CSNK1D: variants seen among roughly 807,000 people sequenced by gnomAD.
CSNK1D encodes the protein casein kinase 1 delta.
In CSNK1D, 16 loss-of-function variants were observed where a neutral mutation model predicts 46.6. The observed-to-expected ratio is 0.34, with a 90% CI of 0.23 to 0.52. CSNK1D has a LOEUF of 0.52. CSNK1D is among the 20% of genes least tolerant of loss of function. The probability of loss-of-function intolerance (pLI) is 0.95; values close to 1 mark genes in which losing one functional copy is unlikely to be tolerated. For missense variants in CSNK1D, 398 were observed against 578.4 expected, an observed-to-expected ratio of 0.69 and a Z score of 3.20; for synonymous variants, 276 against 228.2, an observed-to-expected ratio of 1.21 and a Z score of -1.89.
At position 82,248,308 on chromosome 17, in the gene CSNK1D, A is replaced by G; in HGVS notation, c.1197+567T>C. The G allele has an allele frequency of 1.0e-6, 1 of 988,970 alleles. No homozygotes were observed. The highest frequency in any genetic ancestry group is 1.2e-6 in the Non-Finnish European group (1 of 831,954). The allele number at this position is 988,970 out of a possible 1,614,324, so 61.3% of individuals were successfully genotyped here. ...GAGGAGAGACCGCTGCAGGATGCTG[A>G]AGAGGCGGTGGCCGTGGCTAGGCCT... On this transcript the variant is annotated intron_variant, in intron 8 of 8. Coordinates refer to ENST00000314028, the MANE Select transcript of CSNK1D (RefSeq NM_001893.6). This position sits in a 1 kb window ranked among gnomAD's most constrained non-coding sequence, Gnocchi z 4.1.
Position 82,249,579 on chromosome 17 carries a change from G to A in CSNK1D, c.909C>T (p.Asp303=), listed in dbSNP as rs747576005. Residue 303 remains aspartate (D), a synonymous_variant, in exon 7 of 9, where the codon GAC becomes GAT. Transcript: ENST00000314028. The surrounding 1 kb of genome is among the most constrained non-coding windows in gnomAD (Gnocchi z 6.7). ...CTCGGTCCCTGCGCTCCCGCTCGGC[G>A]TCATCGGCGGCCCGGCTGGCACCCT... The part of the protein sequence containing the change: ...LKFGASRAAD[D]AERERRDREE... 4.6e-5 allele frequency: 71 copies of A among 1,559,050 alleles called. No individual in the cohort carries two copies. The highest frequency in any genetic ancestry group is 5.3e-5 in the Non-Finnish European group (61 of 1,156,124).
At chr17:82,263,484 T>C (rs983268316) in intron 2 of CSNK1D, among the ~76,000 whole-genome samples, 4 of 152,206 alleles carry the variant, frequency 2.6e-5, no homozygotes, top group African/African-American at 9.6e-5. Flanking sequence ...GAAGAAAGTT[T>C]TGAGTATCAC....
downstream of CSNK1D, chr17:82,239,991 T>C (rs970990342): frequency 2.2e-5 from 27 of 1,233,560 alleles, no homozygotes; most frequent in Middle Eastern, 2.1e-4. Context: ...AGGTGCGTCG[T>C]GGGCGCTGGG....
Position 82,243,265 on chromosome 17 carries a change from G to A in CSNK1D, c.*1516C>T. ...GGGGAACTCTGGGGAGGAGAAGGGA[G>A]AACCAAGGTGCACACCTTCGAAGCC... On this transcript the variant is annotated 3_prime_UTR_variant, in exon 9 of 9. Coordinates refer to ENST00000314028, the MANE Select transcript of CSNK1D (RefSeq NM_001893.6). 1.0e-6 allele frequency: 1 copy of A among 985,494 alleles called. No individual in the cohort carries two copies. The highest frequency in any genetic ancestry group is 1.2e-6 in the Non-Finnish European group (1 of 829,984). 61.0% of individuals were successfully genotyped at this position (985,494 alleles called of 1,614,324 possible). A position where few individuals can be genotyped will look rare whatever the true frequency, so the allele number is the denominator to read the frequency against.
In CSNK1D at chr17:82,273,442, A is replaced by C; in HGVS notation, c.-61T>G. On this transcript the variant is annotated 5_prime_UTR_variant, in exon 1 of 9. Coordinates refer to ENST00000314028, the MANE Select transcript of CSNK1D (RefSeq NM_001893.6). The surrounding 1 kb of genome is among the most constrained non-coding windows in gnomAD (Gnocchi z 5.1). ...CCGCTTCCTGGGTCTGAACTCTGGG[A>C]GGCGGCGCCGCTGCTGCCGCTACTG... 1 of 1,592,136 alleles carries C rather than the reference A, an allele frequency of 6.3e-7. No homozygotes were observed. The highest frequency in any genetic ancestry group is 8.6e-7 in the Non-Finnish European group (1 of 1,169,376).
At chr17:82,264,797 CTTTT>C (rs528693963) in intron 2 of CSNK1D, among the ~76,000 whole-genome samples, 11 of 133,342 alleles carry the variant, frequency 8.2e-5, no homozygotes, top group Non-Finnish European at 1.4e-4. Context: ...CACACAAAAT[CTTTT>C]TTTTTTTTTT....
chr17:82,245,064 C>T (rs925460313), intron 8 of CSNK1D: 46 of 624,906 alleles, frequency 7.4e-5, no homozygotes, highest in Non-Finnish European at 1.2e-4. Context: ...AAGGTGCCCG[C>T]GGAGCCGGGC....
intron 2 of CSNK1D, among the ~76,000 whole-genome samples, chr17:82,258,321 A>AACCTGAACATATGTGTATATATAT (rs2051236177): frequency 6.6e-6 from 1 of 150,498 alleles, no homozygotes; most frequent in Non-Finnish European, 1.5e-5. Context: ...TGTATATATA[A>AACCTGAACATATGTGTATATATAT]ACCTGAACAT....
In CSNK1D at chr17:82,251,312, C is replaced by T. The variant is rs1044332069; in HGVS notation, c.885+67G>A. ...TACAGCCCCTCAACAAGACGGCCGC[C>T]GGCCTCTCACTGACAAGCCATCCCC... On this transcript the variant is annotated intron_variant, in intron 6 of 8. Coordinates refer to ENST00000314028, the MANE Select transcript of CSNK1D (RefSeq NM_001893.6). This position sits in a 1 kb window ranked among gnomAD's most constrained non-coding sequence, Gnocchi z 4.5. 55 of 1,588,370 alleles carry T rather than the reference C, an allele frequency of 3.5e-5. No individual in the cohort carries two copies. The highest frequency in any genetic ancestry group is 5.0e-5 in the Admixed American group (3 of 59,770).
chr17:82,254,325 C>T lies in CSNK1D; in HGVS notation c.337-1081G>A, dbSNP rs1427856133. The T allele has an allele frequency of 5.5e-5, 16 of 292,982 alleles. No homozygotes were observed. The Admixed American group carries it at 7.6e-4, about 14-fold the overall frequency. The allele number at this position is 292,982 out of a possible 1,614,324, so 18.1% of individuals were successfully genotyped here. On this transcript the variant is annotated intron_variant, in intron 3 of 8. Transcript: ENST00000314028. ...GCCTCGAGAAGCCAGTCAGCTGAGC[C>T]GCCGGGGCCTCGAGAAGCCAGTGCG...
In CSNK1D at chr17:82,253,218, T is replaced by G. The variant is rs1283835162; in HGVS notation, c.363A>C (p.Ser121=). 2.5e-6 allele frequency: 4 copies of G among 1,613,982 alleles called. No individual in the cohort carries two copies. The highest frequency in any genetic ancestry group is 3.4e-6 in the Non-Finnish European group (4 of 1,180,002). ...TCACATCCCGGTGGATGAAGTTCTT[T>G]GAATGAATGTATTCGATGCGACTGA... ...QMISRIEYIH[S]KNFIHRDVKP... The change falls in exon 4 of 9, where the codon TCA becomes TCC. Residue 121 remains serine (S), a synonymous_variant. Transcript: ENST00000314028.
Position 82,251,574 on chromosome 17 carries a change from C to T in CSNK1D, c.737-47G>A, listed in dbSNP as rs754739704. Reference sequence around the variant, plus strand: ...GCTAACTCATGAAACCCAACTGCGACTCAAGGTGTCTCTGCCAACGTCGCT... The same window carrying T: ...GCTAACTCATGAAACCCAACTGCGATTCAAGGTGTCTCTGCCAACGTCGCT... On this transcript the variant is annotated intron_variant, in intron 5 of 8. Transcript: ENST00000314028. The surrounding 1 kb of genome is among the most constrained non-coding windows in gnomAD (Gnocchi z 4.5). 5.6e-6 allele frequency: 9 copies of T among 1,606,968 alleles called. No homozygotes were observed. The African/African-American group carries it at 1.1e-4, about 19-fold the overall frequency.
rs1335232961 is a variant in CSNK1D, at chr17:82,251,844, A to G, written c.737-317T>C. Reference sequence around the variant, plus strand: ...TCTCTACTGAAAAAAAAAAAAAAAAAGTTCTAGAGCGTGGTGGCGGGCGCC... The same window carrying G: ...TCTCTACTGAAAAAAAAAAAAAAAAGGTTCTAGAGCGTGGTGGCGGGCGCC... On this transcript the variant is annotated intron_variant, in intron 5 of 8. Coordinates refer to ENST00000314028, the MANE Select transcript of CSNK1D (RefSeq NM_001893.6). The surrounding 1 kb of genome is among the most constrained non-coding windows in gnomAD (Gnocchi z 4.5). 2.7e-6 allele frequency: 1 copy of G among 364,952 alleles called. No individual in the cohort carries two copies. Among genetic ancestry groups the G allele is most frequent in the Non-Finnish European group, 5.2e-6 (1 of 193,328 alleles). The allele number at this position is 364,952 out of a possible 1,614,324, so 22.6% of individuals were successfully genotyped here.
chr17:82,246,161 C>T, intron 8 of CSNK1D: 2 of 1,544,004 alleles, frequency 1.3e-6, no homozygotes, highest in East Asian at 2.5e-5. Context: ...CAGGTGCCAC[C>T]TGGGGGAGCC....
At chr17:82,240,027 C>T (rs775412505), downstream of CSNK1D, 37 of 1,233,646 alleles carry the variant, frequency 3.0e-5, no homozygotes, top group East Asian at 3.2e-5. Flanking sequence ...CCTGGCGGGC[C>T]GCGTGCAGCC....
At chr17:82,264,062 A>T (rs755455200) in intron 2 of CSNK1D, among the ~76,000 whole-genome samples, 22 of 152,374 alleles carry the variant, frequency 1.4e-4, no homozygotes, top group Non-Finnish European at 2.6e-4. Flanking sequence ...ATAAACTTAG[A>T]AACGTCGGTT....
chr17:82,253,254 G>A lies in CSNK1D; in HGVS notation c.337-10C>T. 6 of 1,612,620 alleles carry A rather than the reference G, an allele frequency of 3.7e-6. No homozygotes were observed. The highest frequency in any genetic ancestry group is 5.1e-6 in the Non-Finnish European group (6 of 1,178,654). On this transcript the variant is annotated splice_polypyrimidine_tract_variant and intron_variant, in intron 3 of 8. Coordinates refer to ENST00000314028, the MANE Select transcript of CSNK1D (RefSeq NM_001893.6). ...ATTCGATGCGACTGATCTGTGAGCAGAGCAAGGGCGCGAGATGGCACCCCA... is the reference window on the plus strand; with the variant it reads ...ATTCGATGCGACTGATCTGTGAGCAAAGCAAGGGCGCGAGATGGCACCCCA...
chr17:82,246,414 G>A (rs554551509), intron 8 of CSNK1D: 406 of 1,211,580 alleles, frequency 3.4e-4, no homozygotes, highest in Admixed American at 5.4e-4. Flanking sequence ...CCGGTACGAC[G>A]ACAGGGCTCA....
Position 82,243,975 on chromosome 17 carries a change from G to A in CSNK1D, c.*806C>T. On this transcript the variant is annotated 3_prime_UTR_variant, in exon 9 of 9. Coordinates refer to ENST00000314028, the MANE Select transcript of CSNK1D (RefSeq NM_001893.6). ...CCACCTCCTGGGGAAGAAGCGCGCA[G>A]TGCTTTGCCTGGTAACACCCACTGC... 1.0e-6 allele frequency: 1 copy of A among 986,168 alleles called. No individual in the cohort carries two copies. Among genetic ancestry groups the A allele is most frequent in the Non-Finnish European group, 1.2e-6 (1 of 830,464 alleles). The allele number at this position is 986,168 out of a possible 1,614,324, so 61.1% of individuals were successfully genotyped here. A position where few individuals can be genotyped will look rare whatever the true frequency, so the allele number is the denominator to read the frequency against.
Sources: gnomAD v4.1 joint callset for allele counts (sites outside exome capture counted in the v4.1 genomes callset) on GRCh38, gnomAD v4.1.1 for gene constraint, Gnocchi (gnomAD v3.1) non-coding constraint, MANE v1.5 for transcripts, NCBI Gene and HGNC (gene_info 2026-07-23, HGNC 2026-07-21) for gene names.